The following MED13L variants were observed in gnomAD, a reference collection of about 807,000 sequenced individuals.
MED13L encodes mediator of RNA polymerase II transcription subunit 13-like.
A neutral mutation model predicts 220.9 loss-of-function variants in MED13L; 7 were observed. The ratio of observed to expected loss-of-function variants is 0.03; its 90% confidence interval spans 0.02 to 0.06. The LOEUF is 0.06. Among genes scored for constraint, MED13L ranks in the 10% least tolerant of loss-of-function variants. MED13L has a pLI of 1.00. For synonymous variants in MED13L, 1,011 were observed against 1,015.2 expected (o/e 1.00, Z 0.08); for missense variants, 1,965 against 2,760.5 (o/e 0.71, Z 6.46).
intron 4 of MED13L, among the ~76,000 whole-genome samples, chr12:116,029,149 T>A (rs1435601680): frequency 1.3e-5 from 2 of 151,754 alleles, no homozygotes; most frequent in African/African-American, 2.4e-5. Context: ...AGATAAAACT[T>A]TTCTAAGTAT....
At chr12:116,016,375 T>C (rs1419715284) in intron 7 of MED13L, among the ~76,000 whole-genome samples, 1 of 152,158 alleles carries the variant, frequency 6.6e-6, no homozygotes, top group Non-Finnish European at 1.5e-5. Context: ...ATTACTATAT[T>C]ACAAATGAGA....
chr12:116,245,979 A>C (rs1338773206), intron 1 of MED13L, among the ~76,000 whole-genome samples: 2 of 152,180 alleles, frequency 1.3e-5, no homozygotes, highest in Non-Finnish European at 2.9e-5. Context: ...GTAAACTTTC[A>C]GCACACTGCA....
intron 4 of MED13L, among the ~76,000 whole-genome samples, chr12:116,035,081 G>A (rs1881099888): frequency 6.6e-6 from 1 of 152,170 alleles, no homozygotes. Flanking sequence ...ACCTATCTTT[G>A]TGCCAGACAC....
intron 14 of MED13L, among the ~76,000 whole-genome samples, chr12:115,997,682 C>T (rs1352757403): frequency 6.6e-6 from 1 of 152,204 alleles, no homozygotes; most frequent in Non-Finnish European, 1.5e-5. Context: ...TCGTACTCCC[C>T]AAGCGCTGGG....
At chr12:116,147,032 C>T (rs1174303595) in intron 2 of MED13L, among the ~76,000 whole-genome samples, 3 of 152,038 alleles carry the variant, frequency 2.0e-5, no homozygotes, top group Non-Finnish European at 4.4e-5. Context: ...TAAGAAGGTA[C>T]TACTGAGATA....
chr12:115,983,258 G>A lies in MED13L; in HGVS notation c.4814C>T (p.Ser1605Leu). 1 of 1,614,206 alleles carries A rather than the reference G, an allele frequency of 6.2e-7. No individual in the cohort carries two copies. The highest frequency in any genetic ancestry group is 8.5e-7 in the Non-Finnish European group (1 of 1,180,032). Residue 1605 changes from serine (S) to leucine (L), a missense_variant, in exon 21 of 31, where the codon TCA becomes TTA. This residue lies in a region of MED13L where 510 missense variants were observed against 620.4 expected (regional missense o/e 0.82). Coordinates refer to ENST00000281928, the MANE Select transcript of MED13L (RefSeq NM_015335.5). ...CCCTCCAACACTACCACTGAATCCT[G>A]AAGAAGAGGTAGTGCTTATCTGGCT... is the stretch of plus-strand genomic sequence containing the variant. The part of the protein sequence containing the change: ...GISQISTTSS[S>L]GFSGSVGGQN...
At chr12:116,097,495 T>C (rs2137821074) in intron 3 of MED13L, among the ~76,000 whole-genome samples, 1 of 152,274 alleles carries the variant, frequency 6.6e-6, no homozygotes, top group Non-Finnish European at 1.5e-5. Context: ...TTTTTATTTT[T>C]TGGCTTTGCA....
intron 2 of MED13L, among the ~76,000 whole-genome samples, chr12:116,114,180 T>C (rs1437790497): frequency 6.6e-6 from 1 of 152,154 alleles, no homozygotes; most frequent in Non-Finnish European, 1.5e-5. Context: ...TCACATCCAA[T>C]TTCTTCCTCA....
chr12:116,207,162 T>G (rs1446818609), intron 2 of MED13L, among the ~76,000 whole-genome samples: 1 of 152,102 alleles, frequency 6.6e-6, no homozygotes, highest in Admixed American at 6.6e-5. Context: ...GCACCTTTTT[T>G]TTTTTTGGTA....
At chr12:116,161,188 T>C (rs1011487319) in intron 2 of MED13L, among the ~76,000 whole-genome samples, 17 of 152,088 alleles carry the variant, frequency 1.1e-4, no homozygotes, top group Admixed American at 1.0e-3. Context: ...AATCACCTAA[T>C]AGGCCCCAAC....
chr12:116,094,931 G>A (rs923339215), intron 4 of MED13L, among the ~76,000 whole-genome samples: 2 of 152,174 alleles, frequency 1.3e-5, no homozygotes, highest in Non-Finnish European at 2.9e-5. Context: ...AACTTTGGGA[G>A]GCCAAGGTAG....
In MED13L at chr12:116,006,315, T is replaced by C. The variant is rs202049385; in HGVS notation, c.2335A>G (p.Thr779Ala). 6.2e-6 allele frequency: 10 copies of C among 1,613,536 alleles called. No homozygotes were observed. The highest frequency in any genetic ancestry group is 1.1e-5 in the South Asian group (1 of 91,080). Residue 779 changes from threonine (T) to alanine (A), a missense_variant, in exon 12 of 31, where the codon ACT becomes GCT. This residue lies in a region of MED13L where 818 missense variants were observed against 1,041.2 expected (regional missense o/e 0.79). Coordinates refer to ENST00000281928, the MANE Select transcript of MED13L (RefSeq NM_015335.5). ...TAATCATTGTACACACCTGTTTTAG[T>C]AGCAGAACTGAAAATAGACATGGCA... ...KNAMSIFSSATKTDVRQDNAA... is the reference protein window; with the variant it reads ...KNAMSIFSSAAKTDVRQDNAA...
intron 4 of MED13L, among the ~76,000 whole-genome samples, chr12:116,086,492 G>A (rs1478903476): frequency 6.6e-6 from 1 of 152,018 alleles, no homozygotes; most frequent in African/African-American, 2.4e-5. Context: ...ATGTTGGTCA[G>A]GCTGGTCTCA....
intron 1 of MED13L, 38 bp downstream of exon 1, chr12:116,277,022 C>CGA: frequency 4.0e-6 from 4 of 1,006,444 alleles, no homozygotes; most frequent in African/African-American, 1.6e-5. Context: ...CCCCCCCCTT[C>CGA]CCCGGCACAG....
At chr12:116,009,619 G>A (rs1879271067) in intron 9 of MED13L, among the ~76,000 whole-genome samples, 1 of 152,118 alleles carries the variant, frequency 6.6e-6, no homozygotes, top group Non-Finnish European at 1.5e-5. Flanking sequence ...CTCAAAGTGT[G>A]GAACTAAAAC....
chr12:116,239,577 C>G (rs1336443931), intron 1 of MED13L, among the ~76,000 whole-genome samples: 1 of 152,130 alleles, frequency 6.6e-6, no homozygotes. Flanking sequence ...ATTTAGCCAT[C>G]CCATACCAAC....
rs1290078574 is a variant in MED13L, at chr12:116,012,784, T to C, written c.1280+13A>G. 10 of 1,596,672 alleles carry C rather than the reference T, an allele frequency of 6.3e-6. No homozygotes were observed. Among genetic ancestry groups the C allele is most frequent in the Non-Finnish European group, 8.6e-6 (10 of 1,164,272 alleles). ...ATTCGATCCATTACTATTTTGCCTT[T>C]TTTATTACCTACCTGGAACAAGAAC... On this transcript the variant is annotated intron_variant, in intron 9 of 30. Transcript: ENST00000281928.
intron 2 of MED13L, among the ~76,000 whole-genome samples, chr12:116,234,705 T>C (rs1475276949): frequency 1.3e-5 from 2 of 152,202 alleles, no homozygotes; most frequent in Non-Finnish European, 2.9e-5. Flanking sequence ...TTGCCCAGGA[T>C]GGAGTGCAGT....
chr12:116,087,842 TA>T lies in MED13L; in HGVS notation c.479+8826del, dbSNP rs143096832. On this transcript the variant is annotated intron_variant, in intron 4 of 30. Transcript: ENST00000281928. The stretch of plus-strand genomic sequence containing the variant: ...ATAAATGTTAACTCCAAATATATAA[TA>T]AAGATCTTTTATGTCTATACATTTT... 6.5e-3 allele frequency among the ~76,000 whole-genome samples: 982 copies of T among 152,246 alleles called. 9 individuals carry two copies. The highest frequency in any genetic ancestry group is 0.022 in the African/African-American group (921 of 41,530).
Sources: allele counts gnomAD v4.1 joint callset (sites outside exome capture counted in the v4.1 genomes callset), GRCh38; gene constraint gnomAD v4.1.1; regional missense constraint gnomAD v4.1.1; transcripts MANE v1.5; gene names NCBI Gene and HGNC (gene_info 2026-07-23, HGNC 2026-07-21).